The following PAK5 variants were observed in gnomAD, a reference collection of about 807,000 sequenced individuals.
PAK5 encodes serine/threonine-protein kinase PAK 5.
PAK5 carries 16 observed loss-of-function variants against 65.9 expected under a neutral mutation model. The observed-to-expected ratio is 0.24, with a 90% CI of 0.16 to 0.37. The LOEUF is 0.37. PAK5 is among the 10% of genes least tolerant of loss of function. The probability of loss-of-function intolerance (pLI) is 1.00; values close to 1 mark genes in which losing one functional copy is unlikely to be tolerated. For missense variants in PAK5, 785 were observed against 903.9 expected (o/e 0.87, Z 1.69); for synonymous variants, 371 against 354.9 (o/e 1.05, Z -0.51).
chr20:9,773,589 A>G (rs185920076), intron 1 of PAK5, among the ~76,000 whole-genome samples: 5 of 152,330 alleles, frequency 3.3e-5, no homozygotes, highest in Middle Eastern at 3.4e-3. Context: ...TGTGGCTAGG[A>G]AGTATATGAG....
chr20:9,760,566 T>C (rs913557798), intron 1 of PAK5, among the ~76,000 whole-genome samples: 2 of 147,222 alleles, frequency 1.4e-5, no homozygotes, highest in Non-Finnish European at 1.5e-5. Flanking sequence ...TTTCAAGTTT[T>C]TGATGGTTGA....
intron 3 of PAK5, among the ~76,000 whole-genome samples, chr20:9,615,038 G>A (rs1412361023): frequency 6.6e-6 from 1 of 152,052 alleles, no homozygotes; most frequent in Admixed American, 6.6e-5. Context: ...AGATATGAAG[G>A]AAACAAATGC....
In PAK5 at chr20:9,565,905, C is replaced by G; in HGVS notation, c.1470G>C (p.Leu490=). The change falls in exon 5 of 10, where the codon CTG becomes CTC. Residue 490 remains leucine, a synonymous_variant. Transcript: ENST00000353224. The part of the protein sequence containing the change: ...MDLRKQQRRE[L]LFNEVVIMRD... ...ACACACTCTTTACCTCATTGAAAAG[C>G]AGTTCTCGTCTCTGTTGCTTCCGGA... The G allele has an allele frequency of 2.5e-6, 4 of 1,612,060 alleles. No individual in the cohort carries two copies. Among genetic ancestry groups the G allele is most frequent in the Middle Eastern group, 1.7e-4 (1 of 6,052 alleles).
chr20:9,610,959 G>A (rs540932803), intron 3 of PAK5, among the ~76,000 whole-genome samples: 2 of 152,304 alleles, frequency 1.3e-5, no homozygotes, highest in South Asian at 4.1e-4. Flanking sequence ...TTGTCCTTCA[G>A]TGCTCATTCA....
intron 3 of PAK5, among the ~76,000 whole-genome samples, chr20:9,607,630 C>A (rs1420106678): frequency 1.3e-5 from 2 of 152,038 alleles, no homozygotes; most frequent in African/African-American, 4.8e-5. Flanking sequence ...AATTAAAGAC[C>A]AGACTAGGGA....
chr20:9,685,395 G>C (rs2047704732), intron 2 of PAK5, among the ~76,000 whole-genome samples: 1 of 152,160 alleles, frequency 6.6e-6, no homozygotes, highest in South Asian at 2.1e-4. Flanking sequence ...AATATGTCTG[G>C]TGGCCTTATA....
chr20:9,610,772 C>T (rs185658001), intron 3 of PAK5, among the ~76,000 whole-genome samples: 1 of 152,218 alleles, frequency 6.6e-6, no homozygotes, highest in East Asian at 1.9e-4. Context: ...ATGTATGTGT[C>T]CCTCCACATT....
intron 2 of PAK5, among the ~76,000 whole-genome samples, chr20:9,683,907 C>G (rs1447977490): frequency 6.6e-6 from 1 of 152,114 alleles, no homozygotes; most frequent in Non-Finnish European, 1.5e-5. Flanking sequence ...AGTGCATTTA[C>G]TTGACTTCTT....
intron 4 of PAK5, among the ~76,000 whole-genome samples, chr20:9,573,103 T>TC (rs935132023): frequency 2.0e-5 from 3 of 152,210 alleles, no homozygotes; most frequent in African/African-American, 7.2e-5. Context: ...TTCCTCTTTT[T>TC]TTTTTTTGAA....
intron 2 of PAK5, among the ~76,000 whole-genome samples, chr20:9,678,311 T>C (rs2047602910): frequency 6.6e-6 from 1 of 152,200 alleles, no homozygotes; most frequent in Non-Finnish European, 1.5e-5. Context: ...CTCATGCCTG[T>C]AATCCCAGCA....
At chr20:9,701,755 T>G (rs1054432688) in intron 2 of PAK5, among the ~76,000 whole-genome samples, 2 of 152,068 alleles carry the variant, frequency 1.3e-5, no homozygotes, top group Non-Finnish European at 2.9e-5. Flanking sequence ...TCCCAACACT[T>G]TGGGAGGCTG....
chr20:9,641,829 C>A (rs919965594), intron 3 of PAK5, among the ~76,000 whole-genome samples: 15 of 152,154 alleles, frequency 9.9e-5, no homozygotes, highest in Non-Finnish European at 1.9e-4. Flanking sequence ...GCCACTGGCC[C>A]AGGTGCTAAG....
At chr20:9,762,886 T>C (rs982568977) in intron 1 of PAK5, among the ~76,000 whole-genome samples, 3 of 151,832 alleles carry the variant, frequency 2.0e-5, no homozygotes, top group African/African-American at 7.3e-5. Context: ...AACAGGAAAA[T>C]GGATTTTAAA....
chr20:9,708,089 G>T (rs2048031152), intron 2 of PAK5, among the ~76,000 whole-genome samples: 1 of 152,098 alleles, frequency 6.6e-6, no homozygotes, highest in Admixed American at 6.5e-5. Context: ...CATAAACATA[G>T]AACTCCTTGG....
intron 2 of PAK5, among the ~76,000 whole-genome samples, chr20:9,704,807 A>G (rs762513854): frequency 2.6e-5 from 4 of 152,208 alleles, no homozygotes; most frequent in Admixed American, 6.5e-5. Flanking sequence ...AAATACAGCC[A>G]GTGGTCCAGC....
At chr20:9,762,305 A>T (rs1314888584) in intron 1 of PAK5, among the ~76,000 whole-genome samples, 2 of 152,210 alleles carry the variant, frequency 1.3e-5, no homozygotes, top group African/African-American at 4.8e-5. Context: ...CAAAGGAAAC[A>T]ATTAACAAAA....
intron 1 of PAK5, among the ~76,000 whole-genome samples, chr20:9,806,999 T>C (rs569892620): frequency 1.3e-5 from 2 of 152,200 alleles, no homozygotes; most frequent in African/African-American, 2.4e-5. Flanking sequence ...TTGTGACCTC[T>C]TCCCTCATCT....
chr20:9,669,059 T>G (rs1469061540), intron 2 of PAK5, among the ~76,000 whole-genome samples: 1 of 152,208 alleles, frequency 6.6e-6, no homozygotes, highest in East Asian at 1.9e-4. Context: ...TGGACATGTC[T>G]ATAATAAAAG....
chr20:9,608,663 T>G (rs939832047), intron 3 of PAK5, among the ~76,000 whole-genome samples: 6 of 152,368 alleles, frequency 3.9e-5, no homozygotes, highest in African/African-American at 1.2e-4. Context: ...GAAAAATGTG[T>G]GTGCAATGTG....
Sources: gnomAD v4.1 joint callset for allele counts (sites outside exome capture counted in the v4.1 genomes callset) on GRCh38, gnomAD v4.1.1 for gene constraint, MANE v1.5 for transcripts, NCBI Gene and HGNC (gene_info 2026-07-23, HGNC 2026-07-21) for gene names.